IL1RAPL1: variants seen among roughly 807,000 people sequenced by gnomAD.
IL1RAPL1 encodes the protein interleukin 1 receptor accessory protein like 1.
In IL1RAPL1, 3 loss-of-function variants were observed where a neutral mutation model predicts 48.4. The observed-to-expected ratio is 0.06, with a 90% CI of 0.03 to 0.16. The LOEUF (loss-of-function observed/expected upper bound fraction) is 0.16, where lower values mean the gene tolerates loss of function less well. Among genes scored for constraint, IL1RAPL1 ranks in the 10% least tolerant of loss-of-function variants. The pLI is 1.00. For missense variants in IL1RAPL1, 349 were observed against 530.6 expected (o/e 0.66, Z 3.36); for synonymous variants, 185 against 187.7 (o/e 0.99, Z 0.12).
At chrX:29,565,555 T>C (rs759969633) in intron 5 of IL1RAPL1, among the ~76,000 whole-genome samples, 45 of 112,411 alleles carry the variant, frequency 4.0e-4, no homozygotes, top group Admixed American at 7.5e-4. Context: ...TCAGCTTCAC[T>C]GTTAATCATG....
intron 6 of IL1RAPL1, among the ~76,000 whole-genome samples, chrX:29,912,974 G>C (rs139248287): frequency 2.7e-4 from 30 of 112,006 alleles, no homozygotes; most frequent in Middle Eastern, 4.6e-3. Flanking sequence ...CAGAGGAAAG[G>C]ATAATAGTCC....
chrX:29,821,851 A>G (rs779619522), intron 6 of IL1RAPL1, among the ~76,000 whole-genome samples: 2 of 112,427 alleles, frequency 1.8e-5, no homozygotes, highest in African/African-American at 6.4e-5. Flanking sequence ...ATTGAATTTT[A>G]GTGAAAGATA....
At chrX:28,689,311 G>C (rs1402081023) in intron 1 of IL1RAPL1, among the ~76,000 whole-genome samples, 1 of 110,487 alleles carries the variant, frequency 9.1e-6, no homozygotes, top group African/African-American at 3.3e-5. Context: ...TCATGATAGT[G>C]AGTTCTGATG....
intron 5 of IL1RAPL1, among the ~76,000 whole-genome samples, chrX:29,407,114 AG>A (rs1934082515): frequency 1.8e-5 from 2 of 111,721 alleles, no homozygotes; most frequent in African/African-American, 6.5e-5. Flanking sequence ...ATAACCAAAA[AG>A]TGTATAAAAT....
At chrX:28,885,161 T>C (rs1248437623) in intron 2 of IL1RAPL1, among the ~76,000 whole-genome samples, 1 of 111,544 alleles carries the variant, frequency 9.0e-6, no homozygotes, top group East Asian at 2.8e-4. Context: ...CAGTTGCATC[T>C]ACAGGAGGCA....
chrX:29,923,131 A>C (rs1378524526), intron 8 of IL1RAPL1, among the ~76,000 whole-genome samples: 1 of 112,138 alleles, frequency 8.9e-6, no homozygotes, highest in Non-Finnish European at 1.9e-5. Flanking sequence ...CCTTGTATCA[A>C]ATGTGTCTTC....
intron 2 of IL1RAPL1, among the ~76,000 whole-genome samples, chrX:29,048,328 A>G (rs2147422729): frequency 8.9e-6 from 1 of 111,914 alleles, no homozygotes; most frequent in Non-Finnish European, 1.9e-5. Context: ...CTAGCCAAAT[A>G]TTTTATTAGT....
chrX:29,048,040 A>G (rs73454747), intron 2 of IL1RAPL1, among the ~76,000 whole-genome samples: 2 of 111,276 alleles, frequency 1.8e-5, no homozygotes, highest in African/African-American at 3.3e-5. Context: ...GAGAACTGTT[A>G]TCTTCCATGA....
At chrX:29,043,533 T>C (rs1479225664) in intron 2 of IL1RAPL1, among the ~76,000 whole-genome samples, 1 of 111,419 alleles carries the variant, frequency 9.0e-6, no homozygotes, top group Non-Finnish European at 1.9e-5. Context: ...CTGGAATCCA[T>C]GCATGGAGGT....
chrX:29,560,541 T>G (rs1453752366), intron 5 of IL1RAPL1, among the ~76,000 whole-genome samples: 4 of 111,899 alleles, frequency 3.6e-5, no homozygotes, highest in Non-Finnish European at 7.5e-5. Context: ...CTAAATTCTG[T>G]AGGCCTTCTG....
At chrX:28,954,625 GTCTA>G (rs1269352436) in intron 2 of IL1RAPL1, among the ~76,000 whole-genome samples, 1 of 110,057 alleles carries the variant, frequency 9.1e-6, no homozygotes, top group African/African-American at 3.3e-5. Flanking sequence ...TTCAGCTTTT[GTCTA>G]TCTGTGTGTG....
chrX:29,781,367 T>C (rs1045476378), intron 6 of IL1RAPL1, among the ~76,000 whole-genome samples: 1 of 110,800 alleles, frequency 9.0e-6, no homozygotes, highest in Non-Finnish European at 1.9e-5. Context: ...CAGGTGCAAA[T>C]AGGGGAATAT....
chrX:28,784,443 G>A (rs1335471996), intron 1 of IL1RAPL1, among the ~76,000 whole-genome samples: 2 of 111,858 alleles, frequency 1.8e-5, no homozygotes, highest in Non-Finnish European at 3.8e-5. Flanking sequence ...ATTAGAAAAT[G>A]TCTATAATTA....
intron 1 of IL1RAPL1, among the ~76,000 whole-genome samples, chrX:28,724,147 C>T (rs1468473410): frequency 9.0e-6 from 1 of 111,258 alleles, no homozygotes; most frequent in Non-Finnish European, 1.9e-5. Context: ...CCTGGGTATC[C>T]TTATTAACTT....
intron 2 of IL1RAPL1, among the ~76,000 whole-genome samples, chrX:29,180,971 C>T (rs757201424): frequency 9.0e-6 from 1 of 111,629 alleles, no homozygotes; most frequent in Non-Finnish European, 1.9e-5. Context: ...TGAATTGATT[C>T]TTGGAAAATG....
intron 1 of IL1RAPL1, among the ~76,000 whole-genome samples, chrX:28,674,946 A>G (rs750539728): frequency 1.8e-5 from 2 of 112,160 alleles, no homozygotes; most frequent in Admixed American, 9.5e-5. Flanking sequence ...GCCTGGCAAT[A>G]TGAATTTAAA....
chrX:29,798,523 C>T (rs1221997650), intron 6 of IL1RAPL1, among the ~76,000 whole-genome samples: 2 of 111,734 alleles, frequency 1.8e-5, no homozygotes, highest in East Asian at 5.6e-4. Flanking sequence ...AACCAAGTTC[C>T]ATAGTAAGCA....
intron 5 of IL1RAPL1, among the ~76,000 whole-genome samples, chrX:29,566,779 T>C (rs1361180333): frequency 8.9e-6 from 1 of 112,371 alleles, no homozygotes; most frequent in African/African-American, 3.2e-5. Context: ...ATTTCTTTTT[T>C]ATGTGTTTTC....
intron 2 of IL1RAPL1, among the ~76,000 whole-genome samples, chrX:28,978,264 A>C (rs185140464): frequency 1.5e-3 from 169 of 111,500 alleles, no homozygotes; most frequent in African/African-American, 5.3e-3. Context: ...GGTGATCCAC[A>C]GTGTTGGTCA....
Sources: allele counts gnomAD v4.1 joint callset (sites outside exome capture counted in the v4.1 genomes callset), GRCh38; gene constraint gnomAD v4.1.1; transcripts MANE v1.5; gene names NCBI Gene and HGNC (gene_info 2026-07-23, HGNC 2026-07-21).